The following RBM4 variants were observed in gnomAD, a reference collection of about 807,000 sequenced individuals.
RBM4 encodes RNA-binding protein 4.
A neutral mutation model predicts 29.5 loss-of-function variants in RBM4; 7 were observed. That is an observed-to-expected ratio of 0.24 (90% CI 0.14 to 0.45). RBM4 has a LOEUF of 0.45. Among genes scored for constraint, RBM4 ranks in the 20% least tolerant of loss-of-function variants. RBM4 has a pLI of 1.00. For synonymous variants in RBM4, 220 were observed against 205.4 expected (o/e 1.07, Z -0.61); for missense variants, 387 against 502.3 (o/e 0.77, Z 2.19).
downstream of RBM4, among the ~76,000 whole-genome samples, chr11:66,648,357 C>CA (rs1472074590): frequency 1.3e-5 from 2 of 151,652 alleles, no homozygotes; most frequent in African/African-American, 4.8e-5. Flanking sequence ...CCTGTCTCTG[C>CA]AAAAAATTAA....
intron 2 of RBM4, among the ~76,000 whole-genome samples, chr11:66,654,149 C>G (rs1462264679): frequency 2.0e-5 from 3 of 152,158 alleles, no homozygotes; most frequent in Non-Finnish European, 4.4e-5. Flanking sequence ...CTCAGCCTCC[C>G]AAGTACTTAG....
At chr11:66,663,700 A>ATG (rs780807357) in intron 2 of RBM4, among the ~76,000 whole-genome samples, 1,505 of 116,884 alleles carry the variant, frequency 0.013, 13 homozygotes, top group Non-Finnish European at 0.017. Context: ...ATGTGTGTGT[A>ATG]TATGTGTGTG....
rs1276356021 is a variant in RBM4, at chr11:66,646,201, C to T, written c.*183C>T. On this transcript the variant is annotated 3_prime_UTR_variant, in exon 4 of 4. Transcript: ENST00000310092. ...CTCTTCCTTTCCTTTCCTTTCCTCT[C>T]CTGCCCATTTTCCTGTTCTTCTGTC... 3 of 1,467,314 alleles carry T rather than the reference C, an allele frequency of 2.0e-6. No homozygotes were observed. The highest frequency in any genetic ancestry group is 2.7e-6 in the Non-Finnish European group (3 of 1,110,936). 90.9% of individuals were successfully genotyped at this position (1,467,314 alleles called of 1,614,324 possible). A position where few individuals can be genotyped will look rare whatever the true frequency, so the allele number is the denominator to read the frequency against.
chr11:66,663,826 C>CT (rs966743714), intron 2 of RBM4, among the ~76,000 whole-genome samples: 1 of 151,850 alleles, frequency 6.6e-6, no homozygotes, highest in African/African-American at 2.4e-5. Flanking sequence ...CTGGCTCAGC[C>CT]TTTTTCTGAT....
At position 66,639,738 on chromosome 11, in the gene RBM4, G is replaced by A; in HGVS notation, c.27G>A (p.Leu9=). 1 of 1,614,026 alleles carries A rather than the reference G, an allele frequency of 6.2e-7. No homozygotes were observed. Among genetic ancestry groups the A allele is most frequent in the Non-Finnish European group, 8.5e-7 (1 of 1,179,946 alleles). The change falls in exon 2 of 4, where the codon CTG becomes CTA. Residue 9 remains leucine, a synonymous_variant. Transcript: ENST00000310092. ...TGGTGAAGCTGTTCATCGGAAACCT[G>A]CCCCGGGAGGCTACAGAGCAGGAGA... MVKLFIGN[L]PREATEQEIR...
intron 1 of RBM4, 32 bp from the exon 2 acceptor site, chr11:66,639,668 C>A: frequency 6.2e-7 from 1 of 1,601,994 alleles, no homozygotes; most frequent in South Asian, 1.1e-5. Context: ...GGCCTGAGGT[C>A]TTTTGTCAGA....
In RBM4 at chr11:66,656,659, CTTTTG is replaced by C. The variant is rs377119283; in HGVS notation, c.413-9187_413-9183del. ...GTGACAATGTACTTTTTTGGGGGGCCTTTTGTTTTGTTTTTTAAAAAGATGGTGTC... is the reference window on the plus strand; with the variant it reads ...GTGACAATGTACTTTTTTGGGGGGCCTTTTGTTTTTTAAAAAGATGGTGTC... On this transcript the variant is annotated intron_variant, in intron 2 of 2. Transcript: ENST00000396053. Among the ~76,000 whole-genome samples, 414 of 151,790 alleles carry C rather than the reference CTTTTG, an allele frequency of 2.7e-3. 1 individual carries two copies. Among genetic ancestry groups the C allele is most frequent in the African/African-American group, 8.9e-3 (369 of 41,376 alleles).
At chr11:66,646,572 A>G, downstream of RBM4, 4 of 983,758 alleles carry the variant, frequency 4.1e-6, no homozygotes, top group African/African-American at 1.7e-5. Context: ...CTTTGGGTGA[A>G]CGTCACTGTA....
At chr11:66,649,515 C>G (rs1171437215), downstream of RBM4, among the ~76,000 whole-genome samples, 7 of 152,152 alleles carry the variant, frequency 4.6e-5, no homozygotes, top group Admixed American at 4.6e-4. Flanking sequence ...GTACTCCAGC[C>G]TAGGTGACAG....
downstream of RBM4, among the ~76,000 whole-genome samples, chr11:66,646,705 C>T (rs1938702993): frequency 6.6e-6 from 1 of 152,122 alleles, no homozygotes; most frequent in Non-Finnish European, 1.5e-5. Flanking sequence ...GTTATAAAAC[C>T]AACTACTTTT....
chr11:66,665,517 C>T, intron 2 of RBM4: 1 of 1,311,038 alleles, frequency 7.6e-7, no homozygotes. Context: ...GCAAAGGGGA[C>T]CGCGCGGAGC....
intron 2 of RBM4, among the ~76,000 whole-genome samples, chr11:66,657,871 A>C (rs1186395758): frequency 6.6e-6 from 1 of 151,112 alleles, no homozygotes; most frequent in Non-Finnish European, 1.5e-5. Context: ...CCACTGGCGC[A>C]TGCCAGCATG....
At chr11:66,640,823 A>T (rs548944753) in intron 2 of RBM4, 4 of 152,362 alleles carry the variant, frequency 2.6e-5, no homozygotes, top group African/African-American at 9.6e-5. Context: ...AGTCTTAACC[A>T]AATGAATCTT....
At chr11:66,660,947 G>A (rs1341688941) in intron 2 of RBM4, among the ~76,000 whole-genome samples, 4 of 152,164 alleles carry the variant, frequency 2.6e-5, no homozygotes, top group Admixed American at 6.5e-5. Context: ...GAGCCACTGC[G>A]CTCAGCCGTG....
chr11:66,663,061 A>T (rs1294595361), intron 2 of RBM4, among the ~76,000 whole-genome samples: 1 of 152,218 alleles, frequency 6.6e-6, no homozygotes, highest in Non-Finnish European at 1.5e-5. Context: ...ATGCTTTATT[A>T]TTGTAGGTAA....
chr11:66,655,088 C>A (rs375507961), intron 2 of RBM4, among the ~76,000 whole-genome samples: 1 of 151,660 alleles, frequency 6.6e-6, no homozygotes, highest in Non-Finnish European at 1.5e-5. Context: ...TAGGTTCAAG[C>A]GATTCTCCTG....
chr11:66,649,692 C>A (rs1156714520), downstream of RBM4: 2 of 699,008 alleles, frequency 2.9e-6, no homozygotes, highest in South Asian at 1.5e-5. Flanking sequence ...TGCTGCCACT[C>A]CTTAGGAATA....
chr11:66,647,249 C>G (rs1307242473), downstream of RBM4, among the ~76,000 whole-genome samples: 2 of 152,182 alleles, frequency 1.3e-5, no homozygotes, highest in African/African-American at 4.8e-5. Context: ...TGAGCACCTA[C>G]TGTATGCCAG....
At chr11:66,660,961 G>A (rs1939072419) in intron 2 of RBM4, among the ~76,000 whole-genome samples, 1 of 152,138 alleles carries the variant, frequency 6.6e-6, no homozygotes, top group African/African-American at 2.4e-5. Flanking sequence ...AGCCGTGCCC[G>A]GCCTAAACTT....
Sources: gnomAD v4.1 joint callset for allele counts (sites outside exome capture counted in the v4.1 genomes callset) on GRCh38, gnomAD v4.1.1 for gene constraint, MANE v1.5 for transcripts, NCBI Gene and HGNC (gene_info 2026-07-23, HGNC 2026-07-21) for gene names.